The following KALRN variants were observed in gnomAD, a reference collection of about 807,000 sequenced individuals.
KALRN encodes the protein kalirin RhoGEF kinase.
A neutral mutation model predicts 353.7 loss-of-function variants in KALRN; 70 were observed. The observed-to-expected ratio is 0.20, with a 90% CI of 0.16 to 0.24. The LOEUF (loss-of-function observed/expected upper bound fraction) is 0.24. Among genes scored for constraint, KALRN ranks in the 10% least tolerant of loss-of-function variants. The pLI is 1.00. For missense variants in KALRN, 2,791 were observed against 3,756.7 expected (o/e 0.74, Z 6.72); for synonymous variants, 1,391 against 1,434.8 (o/e 0.97, Z 0.69).
intron 1 of KALRN, among the ~76,000 whole-genome samples, chr3:124,062,208 T>C (rs2042044884): frequency 6.6e-6 from 1 of 152,254 alleles, no homozygotes; most frequent in African/African-American, 2.4e-5. Context: ...CTTGGACTTA[T>C]GTGGCCTTCT....
At chr3:124,321,318 T>G (rs903513664) in intron 6 of KALRN, among the ~76,000 whole-genome samples, 1 of 152,232 alleles carries the variant, frequency 6.6e-6, no homozygotes, top group Non-Finnish European at 1.5e-5. Flanking sequence ...GACACATAAC[T>G]TAAGGTTACC....
At chr3:124,683,304 C>A (rs1415636934) in intron 51 of KALRN, among the ~76,000 whole-genome samples, 1 of 152,202 alleles carries the variant, frequency 6.6e-6, no homozygotes, top group Non-Finnish European at 1.5e-5. Context: ...TGCACTGACA[C>A]CCCAGGCTCA....
chr3:124,436,036 T>C (rs1031381949), intron 17 of KALRN, among the ~76,000 whole-genome samples: 3 of 152,168 alleles, frequency 2.0e-5, no homozygotes, highest in Admixed American at 2.0e-4. Flanking sequence ...TGAGACAGAA[T>C]AGTGGTTATA....
At chr3:124,069,513 T>C (rs1013252911) in intron 1 of KALRN, among the ~76,000 whole-genome samples, 6 of 152,188 alleles carry the variant, frequency 3.9e-5, no homozygotes, top group Non-Finnish European at 7.3e-5. Context: ...CCTTTCACTT[T>C]AGCAGGGAAC....
intron 1 of KALRN, among the ~76,000 whole-genome samples, chr3:124,227,572 G>A (rs148561494): frequency 6.7e-6 from 1 of 149,418 alleles, no homozygotes; most frequent in African/African-American, 2.5e-5. Flanking sequence ...TGAGTGCTGA[G>A]TATGTTCAAG....
At chr3:124,516,176 T>C (rs1169217883) in intron 33 of KALRN, among the ~76,000 whole-genome samples, 1 of 152,212 alleles carries the variant, frequency 6.6e-6, no homozygotes, top group Admixed American at 6.5e-5. Flanking sequence ...AGGAATGCTT[T>C]CCAAGATTTT....
chr3:124,635,381 G>T (rs1243631439), intron 36 of KALRN, among the ~76,000 whole-genome samples: 1 of 152,182 alleles, frequency 6.6e-6, no homozygotes, highest in African/African-American at 2.4e-5. Context: ...AACACAGCTT[G>T]TTTACAGAAA....
intron 1 of KALRN, among the ~76,000 whole-genome samples, chr3:124,109,804 G>C (rs1291939725): frequency 9.8e-4 from 17 of 17,332 alleles, no homozygotes; most frequent in African/African-American, 4.3e-3. Context: ...ATATATATAT[G>C]ACATATATAT....
intron 5 of KALRN, among the ~76,000 whole-genome samples, chr3:124,279,333 C>A (rs189017886): frequency 3.3e-5 from 5 of 152,236 alleles, no homozygotes; most frequent in African/African-American, 1.2e-4. Context: ...GTACATAAAT[C>A]TACCAGTATG....
intron 32 of KALRN, among the ~76,000 whole-genome samples, chr3:124,494,969 C>G (rs931781160): frequency 1.3e-5 from 2 of 152,228 alleles, no homozygotes; most frequent in Admixed American, 1.3e-4. Flanking sequence ...AACTCCACAT[C>G]TCCCCCAGCT....
intron 34 of KALRN, among the ~76,000 whole-genome samples, chr3:124,610,482 A>G (rs1270023379): frequency 1.3e-5 from 2 of 152,106 alleles, no homozygotes; most frequent in Non-Finnish European, 2.9e-5. Flanking sequence ...GGTTGTCCCT[A>G]GTTGTCTGAT....
At chr3:124,387,740 G>C (rs1014757947) in intron 11 of KALRN, among the ~76,000 whole-genome samples, 6 of 152,176 alleles carry the variant, frequency 3.9e-5, no homozygotes, top group African/African-American at 1.4e-4. Context: ...TGTATACAAA[G>C]GGGTTTATGG....
At chr3:124,181,148 G>T (rs2073543044) in intron 1 of KALRN, among the ~76,000 whole-genome samples, 1 of 149,994 alleles carries the variant, frequency 6.7e-6, no homozygotes, top group African/African-American at 2.5e-5. Context: ...CTACTCGGGA[G>T]GCTGTTATAT....
At chr3:124,610,478 C>T (rs1245039489) in intron 34 of KALRN, among the ~76,000 whole-genome samples, 2 of 151,982 alleles carry the variant, frequency 1.3e-5, no homozygotes, top group Non-Finnish European at 2.9e-5. Context: ...AAGGGGTTGT[C>T]CCTAGTTGTC....
At chr3:124,207,379 C>T (rs1429542197) in intron 1 of KALRN, among the ~76,000 whole-genome samples, 1 of 152,208 alleles carries the variant, frequency 6.6e-6, no homozygotes, top group Non-Finnish European at 1.5e-5. Context: ...CAGCAGGAAA[C>T]TGAGGTAGAA....
At chr3:124,162,520 G>A (rs1274885636) in intron 1 of KALRN, 1 of 152,200 alleles carries the variant, frequency 6.6e-6, no homozygotes, top group Admixed American at 6.5e-5. Context: ...TTTCCATAAT[G>A]TATTTAAATC....
chr3:124,084,130 G>A (rs530175777), intron 1 of KALRN, among the ~76,000 whole-genome samples: 4 of 152,314 alleles, frequency 2.6e-5, no homozygotes, highest in Non-Finnish European at 4.4e-5. Context: ...CTGGTGCTCC[G>A]CCACTGTGTG....
chr3:124,384,442 C>T (rs1219521954), intron 10 of KALRN: 3 of 157,634 alleles, frequency 1.9e-5, no homozygotes, highest in Non-Finnish European at 2.8e-5. Context: ...TAGTGTTTTT[C>T]TGGTGTTCTC....
chr3:124,559,944 T>G (rs1300698903), intron 33 of KALRN, among the ~76,000 whole-genome samples: 2 of 152,248 alleles, frequency 1.3e-5, no homozygotes, highest in Non-Finnish European at 2.9e-5. Context: ...CTACAACGTG[T>G]GAGCATGGAA....
Sources: allele counts gnomAD v4.1 joint callset (sites outside exome capture counted in the v4.1 genomes callset), GRCh38; gene constraint gnomAD v4.1.1; transcripts MANE v1.5; gene names NCBI Gene and HGNC (gene_info 2026-07-23, HGNC 2026-07-21).